CUL4A: variants seen among roughly 807,000 people sequenced by gnomAD.
CUL4A encodes cullin-4A.
In CUL4A, 16 loss-of-function variants were observed where a neutral mutation model predicts 95.5. The ratio of observed to expected loss-of-function variants is 0.17; its 90% confidence interval spans 0.11 to 0.25. CUL4A has a LOEUF of 0.25. Ranked by LOEUF, CUL4A falls within the 10% of genes least tolerant of loss-of-function variation. The pLI, the probability that CUL4A is intolerant of heterozygous loss-of-function variation, is 1.00. For missense variants in CUL4A, 610 were observed against 937.0 expected, an observed-to-expected ratio of 0.65 and a Z score of 4.56; for synonymous variants, 380 against 353.1, an observed-to-expected ratio of 1.08 and a Z score of -0.85.
At position 113,210,790 on chromosome 13, in the gene CUL4A, T is replaced by A. The variant is rs551276354; in HGVS notation, c.264+702T>A. On this transcript the variant is annotated intron_variant, in intron 2 of 19. Coordinates refer to ENST00000375440, the MANE Select transcript of CUL4A (RefSeq NM_001008895.4). ...AATTATTTCTATTAAAAGGCTTGAA[T>A]TAAAAAAACTTTTTTTCTGGATATG... Among the ~76,000 whole-genome samples, 4 of 85,592 alleles carry A rather than the reference T, an allele frequency of 4.7e-5. No individual in the cohort carries two copies. In the East Asian group the frequency reaches 7.2e-4, roughly 15 times the overall value. 56.2% of individuals were successfully genotyped at this position (85,592 alleles called of 152,430 possible).
chr13:113,253,692 T>G (rs973028439), intron 16 of CUL4A, among the ~76,000 whole-genome samples: 4 of 152,210 alleles, frequency 2.6e-5, no homozygotes, highest in Admixed American at 6.5e-5. Context: ...GTTGCCTTAG[T>G]TTCAACTCTA....
At position 113,266,652 on chromosome 13, in the gene CUL4A, C is replaced by G. The variant is rs1260556973; in HGVS notation, c.*3070C>G. 3 of 152,134 alleles carry G rather than the reference C, an allele frequency of 2.0e-5. No individual in the cohort carries two copies. The highest frequency in any genetic ancestry group is 4.4e-5 in the Non-Finnish European group (3 of 68,022). The allele number at this position is 152,134 out of a possible 1,614,324, so 9.4% of individuals were successfully genotyped here. On this transcript the variant is annotated 3_prime_UTR_variant, in exon 20 of 20. Transcript: ENST00000375440. ...TGGAACAAGAAAGTCCACAAATAAG[C>G]CAAATACACAGGAACTCGGCGTGGC...
upstream of CUL4A, chr13:113,208,405 AG>A: frequency 6.8e-7 from 1 of 1,473,808 alleles, no homozygotes. Flanking sequence ...GCGGCCCTGC[AG>A]GGGAGAACTC....
intron 7 of CUL4A, 136 bp downstream of exon 7, chr13:113,234,122 C>T (rs773643025): frequency 5.2e-6 from 3 of 574,750 alleles, no homozygotes; most frequent in African/African-American, 1.9e-5. Flanking sequence ...GCAATCTTGC[C>T]AGAATCCCCA....
At chr13:113,260,286 C>T (rs1438309193) in intron 18 of CUL4A, among the ~76,000 whole-genome samples, 2 of 149,870 alleles carry the variant, frequency 1.3e-5, no homozygotes, top group African/African-American at 4.9e-5. Flanking sequence ...TGTGGTAGCT[C>T]ACACCTGTAA....
At chr13:113,233,807 A>G in intron 6 of CUL4A, 90 bp from the exon 7 acceptor site, 1 of 835,954 alleles carries the variant, frequency 1.2e-6, no homozygotes, top group Non-Finnish European at 2.1e-6. Flanking sequence ...AGGTCATGGC[A>G]GCCTGCCCCG....
At position 113,254,729 on chromosome 13, in the gene CUL4A, C is replaced by T. The variant is rs756253602; in HGVS notation, c.1789C>T (p.Leu597=). The change falls in exon 17 of 20, where the codon CTG becomes TTG. Residue 597 remains leucine (L), a synonymous_variant. Transcript: ENST00000375440. The stretch of plus-strand genomic sequence containing the variant: ...ATTCCAGGTGTCCCTCTTCCAGACA[C>T]TGGTGCTCCTCATGTTCAACGAGGG... ...KEFQVSLFQT[L]VLLMFNEGDG... is the part of the protein sequence containing the mutation. 6.2e-7 allele frequency: 1 copy of T among 1,613,080 alleles called. No homozygotes were observed. The highest frequency in any genetic ancestry group is 8.5e-7 in the Non-Finnish European group (1 of 1,179,796).
chr13:113,210,055 C>T lies in CUL4A; in HGVS notation c.231C>T (p.Thr77=). The T allele has an allele frequency of 6.6e-7, 1 of 1,519,274 alleles. No individual in the cohort carries two copies. Among genetic ancestry groups the T allele is most frequent in the Non-Finnish European group, 8.8e-7 (1 of 1,134,462 alleles). 94.1% of individuals were successfully genotyped at this position (1,519,274 alleles called of 1,614,324 possible). A position where few individuals can be genotyped will look rare whatever the true frequency, so the allele number is the denominator to read the frequency against. ...CGGTGCGGGCCGTGCAGAGCAGCAC[C>T]TCCATCAGGTACAACCTCGAGGAGC... is the stretch of plus-strand genomic sequence containing the variant. ...HEAVRAVQSS[T]SIRYNLEELY... The change falls in exon 2 of 20, where the codon ACC becomes ACT. Residue 77 remains threonine (T), a synonymous_variant. Transcript: ENST00000375440.
At chr13:113,238,746 A>G (rs1257826637) in intron 9 of CUL4A, among the ~76,000 whole-genome samples, 1 of 152,090 alleles carries the variant, frequency 6.6e-6, no homozygotes, top group African/African-American at 2.4e-5. Context: ...ACAGCTTTAA[A>G]CCTCCTCGTT....
intron 10 of CUL4A, among the ~76,000 whole-genome samples, chr13:113,241,908 A>C (rs1015508390): frequency 6.6e-6 from 1 of 152,150 alleles, no homozygotes; most frequent in Non-Finnish European, 1.5e-5. Context: ...TTTTAAATCC[A>C]ATCATTGTAT....
At chr13:113,209,893 G>A (rs892414049) in intron 1 of CUL4A, 80 bp from the exon 2 acceptor site, 5 of 1,217,954 alleles carry the variant, frequency 4.1e-6, no homozygotes, top group Non-Finnish European at 4.1e-6. Context: ...GGGGCGCCGG[G>A]GCGCCGGCCG....
intron 2 of CUL4A, among the ~76,000 whole-genome samples, chr13:113,210,839 A>C (rs78647185): frequency 6.6e-6 from 1 of 152,242 alleles, no homozygotes; most frequent in East Asian, 1.9e-4. Flanking sequence ...TGTAAAAATT[A>C]TAAAAAATAC....
Position 113,264,647 on chromosome 13 carries a change from A to G in CUL4A, c.*1065A>G, listed in dbSNP as rs2042367712. 6.5e-6 allele frequency: 1 copy of G among 152,686 alleles called. No homozygotes were observed. Among genetic ancestry groups the G allele is most frequent in the South Asian group, 2.1e-4 (1 of 4,832 alleles). 9.5% of individuals were successfully genotyped at this position (152,686 alleles called of 1,614,324 possible). The stretch of plus-strand genomic sequence containing the variant: ...ATGACAAAGATACTTTTGAGATAAC[A>G]TTTAAAAGTACTTTATATTTTACAT... On this transcript the variant is annotated 3_prime_UTR_variant, in exon 20 of 20. Coordinates refer to ENST00000375440, the MANE Select transcript of CUL4A (RefSeq NM_001008895.4).
intron 18 of CUL4A, among the ~76,000 whole-genome samples, chr13:113,257,060 G>A (rs2042148294): frequency 6.6e-6 from 1 of 151,528 alleles, no homozygotes; most frequent in African/African-American, 2.4e-5. Context: ...GAGTAGCTGG[G>A]ACTACAGGCA....
At chr13:113,221,560 TTTTG>T (rs1239256607) in intron 3 of CUL4A, among the ~76,000 whole-genome samples, 1 of 151,700 alleles carries the variant, frequency 6.6e-6, no homozygotes, top group East Asian at 1.9e-4. Context: ...GTTTTTTTTG[TTTTG>T]TTTTTTTGTG....
intron 16 of CUL4A, among the ~76,000 whole-genome samples, chr13:113,253,804 A>G (rs776523353): frequency 1.3e-5 from 2 of 152,208 alleles, no homozygotes; most frequent in Non-Finnish European, 2.9e-5. Flanking sequence ...AATGCATACA[A>G]TGCACTGATC....
intron 3 of CUL4A, among the ~76,000 whole-genome samples, chr13:113,227,107 G>A (rs1176058633): frequency 6.6e-6 from 1 of 152,236 alleles, no homozygotes; most frequent in East Asian, 1.9e-4. Flanking sequence ...AGGCGGGGCC[G>A]TGGGAAGGGA....
intron 8 of CUL4A, among the ~76,000 whole-genome samples, chr13:113,236,209 G>C (rs569864142): frequency 5.3e-5 from 8 of 152,178 alleles, no homozygotes; most frequent in African/African-American, 1.9e-4. Context: ...TCACTTAGAC[G>C]TGTGGAGTTG....
chr13:113,245,314 C>T, intron 14 of CUL4A, 77 bp downstream of exon 14: 1 of 1,299,282 alleles, frequency 7.7e-7, no homozygotes, highest in Non-Finnish European at 1.1e-6. Flanking sequence ...GTAATCCCAG[C>T]ACTTTGGGAG....
Sources: gnomAD v4.1 joint callset for allele counts (sites outside exome capture counted in the v4.1 genomes callset) on GRCh38, gnomAD v4.1.1 for gene constraint, MANE v1.5 for transcripts, NCBI Gene and HGNC (gene_info 2026-07-23, HGNC 2026-07-21) for gene names.